MALRD1: variants seen among roughly 807,000 people sequenced by gnomAD.
The protein encoded by MALRD1 is MAM and LDL-receptor class A domain-containing protein 1.
Under a neutral mutation model 242.1 loss-of-function variants are expected in MALRD1, and 247 were observed. That is an observed-to-expected ratio of 1.02 (90% CI 0.92 to 1.13). The LOEUF (loss-of-function observed/expected upper bound fraction) is 1.13, where lower values mean the gene tolerates loss of function less well. Among genes scored for constraint, MALRD1 ranks in the 50% most tolerant of loss-of-function variants. MALRD1 has a pLI of 0.00. For synonymous variants in MALRD1, 995 were observed against 866.6 expected, an observed-to-expected ratio of 1.15 and a Z score of -2.60; for missense variants, 2,989 against 2,533.1, an observed-to-expected ratio of 1.18 and a Z score of -3.86.
At chr10:19,240,540 A>T (rs1296109891) in intron 18 of MALRD1, among the ~76,000 whole-genome samples, 1 of 151,876 alleles carries the variant, frequency 6.6e-6, no homozygotes, top group East Asian at 1.9e-4. Context: ...CCTTCTTTCC[A>T]GTTTGGATCC....
chr10:19,247,418 A>C (rs993541037), intron 18 of MALRD1, among the ~76,000 whole-genome samples: 1 of 151,972 alleles, frequency 6.6e-6, no homozygotes, highest in Non-Finnish European at 1.5e-5. Flanking sequence ...AAACCACCAA[A>C]GAGATTTTAC....
chr10:19,707,323 T>G (rs190182606), intron 38 of MALRD1, among the ~76,000 whole-genome samples: 1 of 152,308 alleles, frequency 6.6e-6, no homozygotes, highest in Non-Finnish European at 1.5e-5. Context: ...GATTTCACTT[T>G]ATTCTGACCA....
chr10:19,284,125 T>C (rs115931599), intron 21 of MALRD1, among the ~76,000 whole-genome samples: 3,399 of 152,310 alleles, frequency 0.022, 47 homozygotes, highest in African/African-American at 0.039. Context: ...GCAGACTACA[T>C]AACAAATGTA....
chr10:19,277,645 A>G (rs1379387969), intron 19 of MALRD1, among the ~76,000 whole-genome samples: 2 of 152,180 alleles, frequency 1.3e-5, no homozygotes, highest in Admixed American at 6.5e-5. Context: ...TGGGTTTCAC[A>G]TTTTAGAAGA....
In MALRD1 at chr10:19,075,887, G is replaced by A. The variant is rs115573340; in HGVS notation, c.340+9028G>A. Among the ~76,000 whole-genome samples the A allele has an allele frequency of 1.4e-3, 212 of 152,030 alleles. 1 individual carries two copies. The highest frequency in any genetic ancestry group is 4.7e-3 in the African/African-American group (196 of 41,490). ...TTCACTAATTTTCAAAGTTTTTAGGGGAAGAAAGGTTTATATTTTCTTGAT... is the reference window on the plus strand; with the variant it reads ...TTCACTAATTTTCAAAGTTTTTAGGAGAAGAAAGGTTTATATTTTCTTGAT... On this transcript the variant is annotated intron_variant, in intron 2 of 39. Coordinates refer to ENST00000454679, the MANE Select transcript of MALRD1 (RefSeq NM_001142308.3).
intron 26 of MALRD1, among the ~76,000 whole-genome samples, chr10:19,386,993 C>G (rs556906924): frequency 6.6e-6 from 1 of 152,062 alleles, no homozygotes; most frequent in African/African-American, 2.4e-5. Context: ...AATAAATATG[C>G]ATTTTAGAGA....
intron 19 of MALRD1, among the ~76,000 whole-genome samples, chr10:19,275,238 T>A (rs1840452614): frequency 6.6e-6 from 1 of 152,246 alleles, no homozygotes; most frequent in African/African-American, 2.4e-5. Flanking sequence ...AAAGTCATTT[T>A]TTTAAAGAAA....
At chr10:19,375,339 G>A (rs995989841) in intron 26 of MALRD1, among the ~76,000 whole-genome samples, 2 of 152,136 alleles carry the variant, frequency 1.3e-5, no homozygotes, top group African/African-American at 4.8e-5. Flanking sequence ...GACAGCTAAT[G>A]TATACCCAGA....
chr10:19,591,409 G>A (rs1837775216), intron 33 of MALRD1, among the ~76,000 whole-genome samples: 1 of 152,036 alleles, frequency 6.6e-6, no homozygotes, highest in East Asian at 1.9e-4. Context: ...TAAATCCATG[G>A]GTGAAACCCA....
In MALRD1 at chr10:19,148,782, A is replaced by AT. The variant is rs1363943174; in HGVS notation, c.1558+2438_1558+2439insT. On this transcript the variant is annotated intron_variant, in intron 11 of 39. Coordinates refer to ENST00000454679, the MANE Select transcript of MALRD1 (RefSeq NM_001142308.3). ...TTTAGAAAGGGCCAATTAAAAAAAA[A>AT]AAAAAAATATATATATATATATATA... 4.6e-4 allele frequency among the ~76,000 whole-genome samples: 37 copies of AT among 80,864 alleles called. 1 individual carries two copies. Among genetic ancestry groups the AT allele is most frequent in the African/African-American group, 1.8e-3 (36 of 20,142 alleles). The allele number at this position is 80,864 out of a possible 152,430, so 53.0% of individuals were successfully genotyped here.
At chr10:19,278,814 A>G (rs1840662743) in intron 19 of MALRD1, among the ~76,000 whole-genome samples, 1 of 152,216 alleles carries the variant, frequency 6.6e-6, no homozygotes, top group Non-Finnish European at 1.5e-5. Context: ...TCCCACATAA[A>G]TAGCAATGCA....
At chr10:19,136,427 G>T (rs1833342183) in intron 9 of MALRD1, 147 bp from the exon 10 acceptor site, 1 of 407,088 alleles carries the variant, frequency 2.5e-6, no homozygotes, top group Admixed American at 4.5e-5. Flanking sequence ...ATGGGTTGAG[G>T]TTATCAAACA....
chr10:19,538,973 C>T (rs1834807927), intron 32 of MALRD1, among the ~76,000 whole-genome samples: 1 of 152,074 alleles, frequency 6.6e-6, no homozygotes, highest in South Asian at 2.1e-4. Flanking sequence ...TAGGATAAGA[C>T]ATTTAGCATG....
At chr10:19,237,162 G>A (rs1828077302) in intron 18 of MALRD1, among the ~76,000 whole-genome samples, 2 of 151,478 alleles carry the variant, frequency 1.3e-5, no homozygotes, top group African/African-American at 4.9e-5. Context: ...CTTTCTTCTA[G>A]ACACTTTGTA....
intron 23 of MALRD1, among the ~76,000 whole-genome samples, chr10:19,330,912 T>C (rs1843333840): frequency 6.6e-6 from 1 of 151,836 alleles, no homozygotes; most frequent in South Asian, 2.1e-4. Context: ...TTTCAAATAG[T>C]AGGAATGAAG....
chr10:19,704,699 A>G (rs1413895114), intron 38 of MALRD1, among the ~76,000 whole-genome samples: 7 of 152,220 alleles, frequency 4.6e-5, no homozygotes, highest in Non-Finnish European at 8.8e-5. Flanking sequence ...TCAGCAAATA[A>G]TACCCTCACT....
chr10:19,286,236 A>G (rs1841106545), intron 21 of MALRD1, among the ~76,000 whole-genome samples: 1 of 149,956 alleles, frequency 6.7e-6, no homozygotes, highest in African/African-American at 2.4e-5. Flanking sequence ...CTAATTGAAT[A>G]CCTTTTATTT....
At chr10:19,183,721 A>G (rs749193548) in intron 14 of MALRD1, among the ~76,000 whole-genome samples, 2 of 152,206 alleles carry the variant, frequency 1.3e-5, no homozygotes, top group Non-Finnish European at 2.9e-5. Context: ...ATTGCAACCA[A>G]TTTTGGTAAA....
chr10:19,565,487 TG>T (rs1836211541), intron 32 of MALRD1, among the ~76,000 whole-genome samples: 1 of 152,178 alleles, frequency 6.6e-6, no homozygotes, highest in African/African-American at 2.4e-5. Context: ...TTTAAGTTAT[TG>T]GGATGTAAAC....
Sources: gnomAD v4.1 joint callset for allele counts (sites outside exome capture counted in the v4.1 genomes callset) on GRCh38, gnomAD v4.1.1 for gene constraint, MANE v1.5 for transcripts, NCBI Gene and HGNC (gene_info 2026-07-23, HGNC 2026-07-21) for gene names.